Variants in MDH1 observed in about 807,000 individuals in gnomAD.
MDH1 encodes malate dehydrogenase, cytoplasmic.
MDH1 carries 15 observed loss-of-function variants against 38.7 expected under a neutral mutation model. That is an observed-to-expected ratio of 0.39 (90% CI 0.26 to 0.60). MDH1 has a LOEUF of 0.60. Ranked by LOEUF, MDH1 falls within the 20% of genes least tolerant of loss-of-function variation. The probability of loss-of-function intolerance (pLI) is 0.56; values close to 1 mark genes in which losing one functional copy is unlikely to be tolerated. For synonymous variants in MDH1, 144 were observed against 143.6 expected (o/e 1.00, Z -0.02); for missense variants, 368 against 405.2 (o/e 0.91, Z 0.79).
chr2:63,605,944 GT>G lies in MDH1; in HGVS notation c.798del (p.Phe266LeufsTer26), dbSNP rs1709518723. ...TGAAACATTGTTATTTTCAGGGAGA[GT>G]TTGTGTCCATGGGTGTTATCTCTGA... ...DIWFGTPEGE[F>X]VSMGVISDGN... On this transcript the variant is annotated frameshift_variant, in exon 8 of 9. Transcript: ENST00000233114. LOFTEE classifies it high-confidence loss of function. 6.2e-7 allele frequency: 1 copy of G among 1,613,548 alleles called. No homozygotes were observed. Among genetic ancestry groups the G allele is most frequent in the Non-Finnish European group, 8.5e-7 (1 of 1,179,406 alleles).
chr2:63,604,904 G>A, intron 6 of MDH1, 32 bp downstream of exon 6: 1 of 1,606,908 alleles, frequency 6.2e-7, no homozygotes, highest in Admixed American at 1.7e-5. Flanking sequence ...TCTTAACACT[G>A]AGCGTAAAGA....
At chr2:63,589,739 A>G (rs1232162323) in intron 1 of MDH1, among the ~76,000 whole-genome samples, 1 of 152,144 alleles carries the variant, frequency 6.6e-6, no homozygotes, top group Non-Finnish European at 1.5e-5. Context: ...GTCATGGAAG[A>G]CCTGGGTAAC....
intron 1 of MDH1, 139 bp downstream of exon 1, chr2:63,589,185 C>T: frequency 6.2e-7 from 1 of 1,604,350 alleles, no homozygotes; most frequent in Non-Finnish European, 8.5e-7. Context: ...GACTCATCTT[C>T]TGGGGATTGC....
chr2:63,600,741 A>C (rs1464711236), intron 5 of MDH1, among the ~76,000 whole-genome samples: 2 of 152,196 alleles, frequency 1.3e-5, no homozygotes, highest in Non-Finnish European at 2.9e-5. Flanking sequence ...CTGAGAGGCT[A>C]TAGGCTGTGA....
chr2:63,592,139 A>T (rs1391364077), intron 1 of MDH1, among the ~76,000 whole-genome samples: 2 of 152,216 alleles, frequency 1.3e-5, no homozygotes, highest in African/African-American at 4.8e-5. Context: ...CTGGCCTAAA[A>T]TAGTACCAAG....
intron 5 of MDH1, 88 bp downstream of exon 5, chr2:63,599,380 C>CT: frequency 2.1e-6 from 3 of 1,405,120 alleles, no homozygotes; most frequent in Non-Finnish European, 2.9e-6. Flanking sequence ...TGAGTTTGTG[C>CT]TTTTTTCTTG....
At chr2:63,593,600 T>C (rs1287700493) in intron 1 of MDH1, 1 of 471,690 alleles carries the variant, frequency 2.1e-6, no homozygotes, top group South Asian at 1.5e-5. Context: ...CTGGGCTTAG[T>C]CACATCAGTG....
intron 1 of MDH1, chr2:63,589,275 A>T (rs911424704): frequency 1.9e-6 from 3 of 1,551,046 alleles, no homozygotes; most frequent in African/African-American, 2.7e-5. Flanking sequence ...CTGGAGAAGT[A>T]GTTGTCCTGG....
intron 2 of MDH1, 53 bp from the exon 3 acceptor site, chr2:63,595,370 G>C (rs1709287890): frequency 1.8e-6 from 2 of 1,083,740 alleles, no homozygotes; most frequent in Non-Finnish European, 2.9e-6. Flanking sequence ...AGACTTTCTT[G>C]TGTCTAAATG....
intron 5 of MDH1, among the ~76,000 whole-genome samples, chr2:63,601,673 T>C (rs1193670774): frequency 1.3e-5 from 2 of 152,042 alleles, no homozygotes; most frequent in Admixed American, 1.3e-4. Flanking sequence ...GCTCAAGAGA[T>C]AGAAGGAGCA....
chr2:63,602,974 T>TC (rs1709456401), intron 5 of MDH1, among the ~76,000 whole-genome samples: 1 of 57,220 alleles, frequency 1.7e-5, no homozygotes, highest in African/African-American at 8.0e-5. Context: ...TTTTTTTTTT[T>TC]TTTGAGACAG....
chr2:63,599,134 A>G, intron 4 of MDH1, 36 bp from the exon 5 acceptor site: 1 of 1,603,476 alleles, frequency 6.2e-7, no homozygotes, highest in Non-Finnish European at 8.5e-7. Context: ...GTAACTATAT[A>G]GTCTGTAACT....
At chr2:63,591,562 T>G (rs544791290) in intron 1 of MDH1, among the ~76,000 whole-genome samples, 1 of 152,318 alleles carries the variant, frequency 6.6e-6, no homozygotes, top group South Asian at 2.1e-4. Flanking sequence ...TATGGGAAGT[T>G]AAACTTAATA....
intron 5 of MDH1, chr2:63,599,795 C>T (rs1558861560): frequency 1.3e-5 from 2 of 152,068 alleles, no homozygotes; most frequent in African/African-American, 4.8e-5. Flanking sequence ...TGTAAAATTT[C>T]CTCCTTTCAC....
At chr2:63,604,618 G>C in intron 5 of MDH1, 78 bp from the exon 6 acceptor site, 1 of 1,089,502 alleles carries the variant, frequency 9.2e-7, no homozygotes, top group Non-Finnish European at 1.3e-6. Context: ...CTTTATTTAA[G>C]GGCATTTGTC....
chr2:63,590,310 G>A (rs1709162057), intron 1 of MDH1: 1 of 152,142 alleles, frequency 6.6e-6, no homozygotes, highest in Non-Finnish European at 1.5e-5. Flanking sequence ...GACCCAAAGA[G>A]AATGTGATTT....
At chr2:63,589,244 TG>T in intron 1 of MDH1, 198 bp downstream of exon 1, 1 of 1,554,364 alleles carries the variant, frequency 6.4e-7, no homozygotes, top group Non-Finnish European at 8.7e-7. Flanking sequence ...TTGCGGGGTA[TG>T]GGGCGCTCTT....
In MDH1 at chr2:63,597,518, A is replaced by C; in HGVS notation, c.319A>C (p.Lys107Gln). 7.3e-6 allele frequency: 11 copies of C among 1,508,412 alleles called. No individual in the cohort carries two copies. Among genetic ancestry groups the C allele is most frequent in the Non-Finnish European group, 9.8e-6 (11 of 1,120,052 alleles). The allele number at this position is 1,508,412 out of a possible 1,614,324, so 93.4% of individuals were successfully genotyped here. ...AAAAGATTTACTGAAAGCAAATGTG[A>C]AAATCTTCAAATCCCAGGGTGCAGC... ...ERKDLLKANV[K>Q]IFKSQGAALD... The change falls in exon 4 of 9, where the codon AAA (lysine) becomes CAA (glutamine). Residue 107 changes from lysine to glutamine, a missense_variant. Physicochemically the swap from Lys to Gln is moderately conservative, Grantham distance 53. Coordinates refer to ENST00000233114, the MANE Select transcript of MDH1 (RefSeq NM_005917.4).
In MDH1 at chr2:63,604,510, C is replaced by A. The variant is rs144578947; in HGVS notation, c.499-186C>A. ...GGTTTCAAGTCCACAGTTGTTACCA[C>A]TGTTAAGCTGTTGTAGGAAATTGCC... On this transcript the variant is annotated intron_variant, in intron 5 of 8. Transcript: ENST00000233114. Among the ~76,000 whole-genome samples, 356 of 152,324 alleles carry A rather than the reference C, an allele frequency of 2.3e-3. 1 individual carries two copies. Among genetic ancestry groups the A allele is most frequent in the Non-Finnish European group, 4.3e-3 (294 of 68,026 alleles).
Sources: allele counts gnomAD v4.1 joint callset (sites outside exome capture counted in the v4.1 genomes callset), GRCh38; gene constraint gnomAD v4.1.1; transcripts MANE v1.5; gene names NCBI Gene and HGNC (gene_info 2026-07-23, HGNC 2026-07-21).